ABCG1: variants seen among roughly 807,000 people sequenced by gnomAD.
ABCG1 encodes the protein ATP binding cassette subfamily G member 1, also known as ATP-binding cassette sub-family G member 1.
In ABCG1, 29 loss-of-function variants were observed where a neutral mutation model predicts 69.2. The observed-to-expected ratio is 0.42, with a 90% CI of 0.31 to 0.57. The LOEUF is 0.57. Among genes scored for constraint, ABCG1 ranks in the 20% least tolerant of loss-of-function variants. The pLI, the probability that ABCG1 is intolerant of heterozygous loss-of-function variation, is 0.15. For missense variants in ABCG1, 718 were observed against 898.1 expected (o/e 0.80, Z 2.56); for synonymous variants, 370 against 374.8 (o/e 0.99, Z 0.15).
At chr21:42,294,475 G>C in intron 13 of ABCG1, 67 bp from the exon 14 acceptor site, 1 of 1,299,532 alleles carries the variant, frequency 7.7e-7, no homozygotes, top group African/African-American at 1.5e-5. Flanking sequence ...TGGCGTGGGC[G>C]AGCCTCCTCT....
chr21:42,269,565 G>A (rs540058410), intron 2 of ABCG1, among the ~76,000 whole-genome samples: 4 of 152,280 alleles, frequency 2.6e-5, no homozygotes, highest in African/African-American at 9.6e-5. Flanking sequence ...ACCCCCGCTG[G>A]GATGACTCTC....
At position 42,288,604 on chromosome 21, in the gene ABCG1, G is replaced by A. The variant is rs1050246344; in HGVS notation, c.1224+292G>A. ...TGCCTGTAATCCCAGCTACTCAGGAGGCTGGGGCAGGAGAACTGCTTGAAC... is the reference window on the plus strand; with the variant it reads ...TGCCTGTAATCCCAGCTACTCAGGAAGCTGGGGCAGGAGAACTGCTTGAAC... On this transcript the variant is annotated intron_variant, in intron 10 of 14. Coordinates refer to ENST00000398449, the MANE Select transcript of ABCG1 (RefSeq NM_016818.3). This position sits in a 1 kb window ranked among gnomAD's most constrained non-coding sequence, Gnocchi z 4.8. Among the ~76,000 whole-genome samples, 1 of 152,172 alleles carries A rather than the reference G, an allele frequency of 6.6e-6. No homozygotes were observed. Among genetic ancestry groups the A allele is most frequent in the Non-Finnish European group, 1.5e-5 (1 of 68,032 alleles).
intron 2 of ABCG1, among the ~76,000 whole-genome samples, chr21:42,255,561 G>A (rs1242659659): frequency 1.3e-5 from 2 of 152,188 alleles, no homozygotes; most frequent in Non-Finnish European, 2.9e-5. Context: ...CTCACTGAGG[G>A]CCCCTTCAGT....
intron 2 of ABCG1, among the ~76,000 whole-genome samples, chr21:42,259,686 G>A (rs910712582): frequency 6.6e-6 from 1 of 152,350 alleles, no homozygotes; most frequent in South Asian, 2.1e-4. Context: ...GCATTCGCAC[G>A]TGCATGTAAT....
At chr21:42,235,347 G>A (rs2067964442) in intron 2 of ABCG1, among the ~76,000 whole-genome samples, 1 of 152,242 alleles carries the variant, frequency 6.6e-6, no homozygotes, top group South Asian at 2.1e-4. Flanking sequence ...GCTGCGTCGG[G>A]GGACTGCGGG....
chr21:42,225,581 A>G, intron 1 of ABCG1, 90 bp from the exon 2 acceptor site: 11 of 1,511,378 alleles, frequency 7.3e-6, no homozygotes, highest in Non-Finnish European at 9.8e-6. Flanking sequence ...ATTAATAACC[A>G]ATGACCCTGA....
intron 2 of ABCG1, among the ~76,000 whole-genome samples, chr21:42,240,382 T>C (rs1176714118): frequency 6.6e-6 from 1 of 152,276 alleles, no homozygotes; most frequent in East Asian, 1.9e-4. Context: ...CCTAGGGCCA[T>C]GGCCCTTTTC....
chr21:42,225,543 G>A (rs2067801585), intron 1 of ABCG1, 128 bp from the exon 2 acceptor site: 1 of 1,185,046 alleles, frequency 8.4e-7, no homozygotes, highest in Admixed American at 2.2e-5. Context: ...GGGGCCAAAG[G>A]TGCTCCTGCA....
At chr21:42,224,929 G>A (rs1274527271) in intron 1 of ABCG1, among the ~76,000 whole-genome samples, 1 of 151,438 alleles carries the variant, frequency 6.6e-6, no homozygotes, top group Non-Finnish European at 1.5e-5. Context: ...TTGATGCAGT[G>A]AAATGAACAC....
chr21:42,223,302 T>A (rs1481461855), intron 1 of ABCG1, among the ~76,000 whole-genome samples: 1 of 152,152 alleles, frequency 6.6e-6, no homozygotes, highest in East Asian at 1.9e-4. Context: ...TCAACTAAGA[T>A]TCTATTTCTG....
chr21:42,286,064 C>A, intron 8 of ABCG1, 70 bp downstream of exon 8: 1 of 1,034,514 alleles, frequency 9.7e-7, no homozygotes, highest in Non-Finnish European at 1.5e-6. Flanking sequence ...TCACTTTTAG[C>A]TGACGCCCCC....
intron 2 of ABCG1, among the ~76,000 whole-genome samples, chr21:42,234,453 G>A (rs2067947265): frequency 6.6e-6 from 1 of 152,208 alleles, no homozygotes; most frequent in East Asian, 1.9e-4. Context: ...GCAGGTATGG[G>A]GGCATCTTTG....
At chr21:42,256,823 C>T (rs954035862) in intron 2 of ABCG1, among the ~76,000 whole-genome samples, 3 of 152,236 alleles carry the variant, frequency 2.0e-5, no homozygotes, top group Non-Finnish European at 4.4e-5. Context: ...CTCATGCCCT[C>T]CCCAGGCTCC....
chr21:42,256,448 G>T, intron 2 of ABCG1: 1 of 1,549,222 alleles, frequency 6.5e-7, no homozygotes, highest in South Asian at 1.2e-5. Flanking sequence ...TCCAGAGGCC[G>T]CAGAGTATCC....
chr21:42,266,405 T>C (rs926668503), intron 2 of ABCG1, among the ~76,000 whole-genome samples: 11 of 152,226 alleles, frequency 7.2e-5, no homozygotes, highest in Non-Finnish European at 1.5e-4. Flanking sequence ...GTGCTTCCAC[T>C]GCTCCTTTTA....
chr21:42,248,173 A>C (rs1357293660), intron 2 of ABCG1, among the ~76,000 whole-genome samples: 1 of 152,238 alleles, frequency 6.6e-6, no homozygotes, highest in African/African-American at 2.4e-5. Context: ...AAACCTGTTC[A>C]AGCTGCAGTA....
chr21:42,261,169 G>A (rs996575313), intron 2 of ABCG1, among the ~76,000 whole-genome samples: 1 of 151,982 alleles, frequency 6.6e-6, no homozygotes, highest in African/African-American at 2.4e-5. Context: ...CGGTGAGGTG[G>A]GGGCGGGTGC....
upstream of ABCG1, among the ~76,000 whole-genome samples, chr21:42,212,280 G>A (rs528747202): frequency 6.6e-6 from 1 of 152,300 alleles, no homozygotes; most frequent in African/African-American, 2.4e-5. Context: ...TCTGGAACTG[G>A]ATAATGGGCA....
At chr21:42,281,230 G>A (rs2123768239) in intron 5 of ABCG1, among the ~76,000 whole-genome samples, 1 of 152,350 alleles carries the variant, frequency 6.6e-6, no homozygotes, top group African/African-American at 2.4e-5. Context: ...CGCTGGAGTA[G>A]GGTCCGCTTG....
Sources: allele counts gnomAD v4.1 joint callset (sites outside exome capture counted in the v4.1 genomes callset), GRCh38; gene constraint gnomAD v4.1.1; non-coding constraint Gnocchi (gnomAD v3.1); transcripts MANE v1.5; gene names NCBI Gene and HGNC (gene_info 2026-07-23, HGNC 2026-07-21).